SOAT1: variants seen among roughly 807,000 people sequenced by gnomAD.
The protein encoded by SOAT1 is acyl-coenzyme A:cholesterol acyltransferase 1.
A neutral mutation model predicts 69.5 loss-of-function variants in SOAT1; 55 were observed. The observed-to-expected ratio is 0.79, with a 90% CI of 0.64 to 0.99. The LOEUF (loss-of-function observed/expected upper bound fraction) is 0.99. Among genes scored for constraint, SOAT1 ranks in the 50% least tolerant of loss-of-function variants. SOAT1 has a pLI of 0.00. For missense variants in SOAT1, 580 were observed against 669.3 expected, an observed-to-expected ratio of 0.87 and a Z score of 1.47; for synonymous variants, 231 against 224.7, an observed-to-expected ratio of 1.03 and a Z score of -0.25.
chr1:179,331,385 G>A (rs900355798), intron 3 of SOAT1, among the ~76,000 whole-genome samples: 5 of 152,136 alleles, frequency 3.3e-5, no homozygotes, highest in African/African-American at 1.2e-4. Flanking sequence ...CATGCTAACT[G>A]AGAACACTAT....
intron 3 of SOAT1, among the ~76,000 whole-genome samples, chr1:179,333,645 C>G (rs1395848470): frequency 6.6e-6 from 1 of 152,032 alleles, no homozygotes; most frequent in Admixed American, 6.6e-5. Context: ...ACCAGCCTGA[C>G]CACCATGGAG....
chr1:179,299,546 C>G (rs1664760475), intron 1 of SOAT1, among the ~76,000 whole-genome samples: 1 of 151,616 alleles, frequency 6.6e-6, no homozygotes, highest in Non-Finnish European at 1.5e-5. Flanking sequence ...ACTATGGTGG[C>G]CAAAGAATAT....
In SOAT1 at chr1:179,347,315, G is replaced by A. The variant is rs940823855; in HGVS notation, c.1118-285G>A. On this transcript the variant is annotated intron_variant, in intron 11 of 15. Coordinates refer to ENST00000367619, the MANE Select transcript of SOAT1 (RefSeq NM_003101.6). ...AGAGGTTGCAGTGAGCCGAGATCGC[G>A]CCACTGCACTCCAGCCTGGGTGACA... Among the ~76,000 whole-genome samples, 9 of 138,244 alleles carry A rather than the reference G, an allele frequency of 6.5e-5. No individual in the cohort carries two copies. In the South Asian group the frequency reaches 9.5e-4, roughly 15 times the overall value. The allele number at this position is 138,244 out of a possible 152,430, so 90.7% of individuals were successfully genotyped here.
At position 179,309,036 on chromosome 1, in the gene SOAT1, G is replaced by C. The variant is rs1371564977; in HGVS notation, c.118+6234G>C. Among the ~76,000 whole-genome samples, 3 of 152,212 alleles carry C rather than the reference G, an allele frequency of 2.0e-5. No homozygotes were observed. The East Asian group carries it at 5.8e-4, about 29-fold the overall frequency. ...GCAGTATTACAAGCAGTGCTACAGA[G>C]AGCATCATTGAAACAGCATCATTGC... On this transcript the variant is annotated intron_variant, in intron 2 of 15. Coordinates refer to ENST00000367619, the MANE Select transcript of SOAT1 (RefSeq NM_003101.6).
chr1:179,300,279 G>A (rs1490399966), intron 1 of SOAT1, among the ~76,000 whole-genome samples: 1 of 151,728 alleles, frequency 6.6e-6, no homozygotes, highest in South Asian at 2.1e-4. Context: ...CTACTTTGAG[G>A]CTGTCCCTCA....
intron 3 of SOAT1, among the ~76,000 whole-genome samples, chr1:179,326,127 G>C (rs555500747): frequency 6.6e-6 from 1 of 152,288 alleles, no homozygotes; most frequent in East Asian, 1.9e-4. Flanking sequence ...ATGGACATCT[G>C]TGTCTCTATT....
At position 179,341,337 on chromosome 1, in the gene SOAT1, G is replaced by A. The variant is rs1170069217; in HGVS notation, c.780+27G>A. 5 of 1,598,480 alleles carry A rather than the reference G, an allele frequency of 3.1e-6. No individual in the cohort carries two copies. In the Admixed American group the frequency reaches 8.6e-5, roughly 27 times the overall value. On this transcript the variant is annotated intron_variant, in intron 7 of 15. Transcript: ENST00000367619. ...TAAGGTTTTAAGTGTTACCCAAGGCGATGCTGTCCTCGGCTAAAATAATAA... is the reference window on the plus strand; with the variant it reads ...TAAGGTTTTAAGTGTTACCCAAGGCAATGCTGTCCTCGGCTAAAATAATAA...
At position 179,355,725 on chromosome 1, in the gene SOAT1, G is replaced by A. The variant is rs1666883299; in HGVS notation, c.*2084G>A. The A allele has an allele frequency of 6.6e-6, 1 of 152,324 alleles. No individual in the cohort carries two copies. The highest frequency in any genetic ancestry group is 6.5e-5 in the Admixed American group (1 of 15,270). 9.4% of individuals were successfully genotyped at this position (152,324 alleles called of 1,614,324 possible). ...AATTTTTGTATTTTTAGTAGAGATGGGGTTTCACCCTGTTGGTCAGGCTGG... is the reference window on the plus strand; with the variant it reads ...AATTTTTGTATTTTTAGTAGAGATGAGGTTTCACCCTGTTGGTCAGGCTGG... On this transcript the variant is annotated 3_prime_UTR_variant, in exon 16 of 16. Coordinates refer to ENST00000367619, the MANE Select transcript of SOAT1 (RefSeq NM_003101.6).
At position 179,353,569 on chromosome 1, in the gene SOAT1, T is replaced by C; in HGVS notation, c.1597-16T>C. The C allele has an allele frequency of 1.2e-6, 2 of 1,610,004 alleles. No individual in the cohort carries two copies. Among genetic ancestry groups the C allele is most frequent in the Non-Finnish European group, 8.5e-7 (1 of 1,176,414 alleles). On this transcript the variant is annotated splice_polypyrimidine_tract_variant and intron_variant, in intron 15 of 15. Transcript: ENST00000367619. ...TACACAAATTATTTTTCCATTCTTATTTTTCCCCACTGCAGCCCACATTTT... is the reference window on the plus strand; with the variant it reads ...TACACAAATTATTTTTCCATTCTTACTTTTCCCCACTGCAGCCCACATTTT...
At chr1:179,351,258 G>C in intron 14 of SOAT1, 59 bp from the exon 15 acceptor site, 3 of 1,466,028 alleles carry the variant, frequency 2.0e-6, no homozygotes, top group South Asian at 2.3e-5. Flanking sequence ...TGGCCAGGCT[G>C]GTCTCGAACT....
chr1:179,321,723 C>T (rs1218584374), intron 2 of SOAT1, among the ~76,000 whole-genome samples: 2 of 152,198 alleles, frequency 1.3e-5, no homozygotes, highest in East Asian at 3.9e-4. Flanking sequence ...ATCTATATTC[C>T]CATTTACTAG....
rs111855984 is a variant in SOAT1 at position 179,356,873 on chromosome 1, TG to T, written c.*3240del. The T allele has an allele frequency of 0.12, 16,871 of 145,954 alleles. 1,544 individuals are homozygous for T. Among genetic ancestry groups the T allele is most frequent in the African/African-American group, 0.25 (9,915 of 39,438 alleles). The allele number at this position is 145,954 out of a possible 1,614,324, so 9.0% of individuals were successfully genotyped here. ...TTATTTGTTTTTTTTTTTTTAGAGA[TG>T]GGGGGGGTCTCCCTATGTTGCCCAG... On this transcript the variant is annotated 3_prime_UTR_variant, in exon 16 of 16. Coordinates refer to ENST00000367619, the MANE Select transcript of SOAT1 (RefSeq NM_003101.6).
chr1:179,317,662 A>G (rs1284287310), intron 2 of SOAT1, among the ~76,000 whole-genome samples: 1 of 150,402 alleles, frequency 6.6e-6, no homozygotes, highest in African/African-American at 2.4e-5. Context: ...TTTTTAACGA[A>G]GATAGCAAAC....
intron 2 of SOAT1, among the ~76,000 whole-genome samples, chr1:179,321,968 A>G (rs1665621446): frequency 6.6e-6 from 1 of 151,788 alleles, no homozygotes; most frequent in Admixed American, 6.6e-5. Context: ...TGCAGGCTCA[A>G]ATTCTTGGGT....
chr1:179,331,731 T>C (rs911715755), intron 3 of SOAT1, among the ~76,000 whole-genome samples: 4 of 152,142 alleles, frequency 2.6e-5, no homozygotes, highest in African/African-American at 4.8e-5. Flanking sequence ...TAAGAGAGAA[T>C]AGAAAGAACT....
intron 2 of SOAT1, among the ~76,000 whole-genome samples, chr1:179,315,302 G>GGTGGGTGTGGTGGCAT (rs1665351965): frequency 6.6e-6 from 1 of 151,884 alleles, no homozygotes; most frequent in African/African-American, 2.4e-5. Flanking sequence ...TTTTTAATTA[G>GGTGGGTGTGGTGGCAT]GTGGGTGTGG....
At chr1:179,312,302 C>T (rs1665244865) in intron 2 of SOAT1, among the ~76,000 whole-genome samples, 1 of 152,046 alleles carries the variant, frequency 6.6e-6, no homozygotes, top group Non-Finnish European at 1.5e-5. Flanking sequence ...CGGCGTGTGG[C>T]ATGGTGGGTC....
At position 179,333,743 on chromosome 1, in the gene SOAT1, G is replaced by A. The variant is rs1571437868; in HGVS notation, c.178-1763G>A. 7.3e-5 allele frequency among the ~76,000 whole-genome samples: 11 copies of A among 151,558 alleles called. No individual in the cohort carries two copies. The South Asian group carries it at 2.3e-3, about 31-fold the overall frequency. On this transcript the variant is annotated intron_variant, in intron 3 of 15. Coordinates refer to ENST00000367619, the MANE Select transcript of SOAT1 (RefSeq NM_003101.6). Reference sequence around the variant, plus strand: ...AGCTACTTGGGAGGCTAAGGCAAGAGAATTGCTTGAACCTGGGAGGTGGAG... The same window carrying A: ...AGCTACTTGGGAGGCTAAGGCAAGAAAATTGCTTGAACCTGGGAGGTGGAG...
intron 3 of SOAT1, among the ~76,000 whole-genome samples, chr1:179,324,218 G>A (rs767985884): frequency 2.0e-5 from 3 of 152,094 alleles, no homozygotes; most frequent in African/African-American, 4.8e-5. Context: ...AAATATTTTT[G>A]TAATCATATT....
Sources: gnomAD v4.1 joint callset for allele counts (sites outside exome capture counted in the v4.1 genomes callset) on GRCh38, gnomAD v4.1.1 for gene constraint, MANE v1.5 for transcripts, NCBI Gene and HGNC (gene_info 2026-07-23, HGNC 2026-07-21) for gene names.